B3GLCT: variants seen among roughly 807,000 people sequenced by gnomAD.
The protein encoded by B3GLCT is beta 3-glucosyltransferase.
Under a neutral mutation model 63.4 loss-of-function variants are expected in B3GLCT, and 65 were observed. The observed-to-expected ratio is 1.03, with a 90% CI of 0.84 to 1.26. B3GLCT has a LOEUF of 1.26. B3GLCT is among the 50% of genes most tolerant of loss of function. The probability of loss-of-function intolerance (pLI) is 0.00; values close to 1 mark genes in which losing one functional copy is unlikely to be tolerated. For synonymous variants in B3GLCT, 233 were observed against 219.2 expected, an observed-to-expected ratio of 1.06 and a Z score of -0.55; for missense variants, 577 against 604.8, an observed-to-expected ratio of 0.95 and a Z score of 0.48.
At position 31,317,673 on chromosome 13, in the gene B3GLCT, C is replaced by T. The variant is rs144117014; in HGVS notation, c.1172C>T (p.Thr391Met). The change falls in exon 13 of 15, where the codon ACG (threonine) becomes ATG (methionine). Residue 391 changes from threonine to methionine, a missense_variant. Coordinates refer to ENST00000343307, the MANE Select transcript of B3GLCT (RefSeq NM_194318.4). ...GLGTGGYSYI[T>M]GGGGMVFSRE... ...GGCACTGGTGGCTACAGCTACATCACGGGAGGAGGAGGGTAACTATGATCA... is the reference window on the plus strand; with the variant it reads ...GGCACTGGTGGCTACAGCTACATCATGGGAGGAGGAGGGTAACTATGATCA... 1.4e-5 allele frequency: 23 copies of T among 1,613,864 alleles called. No homozygotes were observed. Among genetic ancestry groups the T allele is most frequent in the Non-Finnish European group, 1.9e-5 (22 of 1,179,946 alleles).
intron 14 of B3GLCT, 109 bp downstream of exon 14, chr13:31,324,004 T>C: frequency 7.3e-7 from 1 of 1,361,058 alleles, no homozygotes; most frequent in South Asian, 1.2e-5. Context: ...GACTAAGAAC[T>C]GTGTTGACAG....
chr13:31,230,089 A>C (rs1297544927), intron 4 of B3GLCT, among the ~76,000 whole-genome samples: 1 of 152,138 alleles, frequency 6.6e-6, no homozygotes, highest in East Asian at 1.9e-4. Context: ...ATTGGATGTC[A>C]TTAATTTAAC....
Position 31,253,618 on chromosome 13 carries a change from A to AAAAAAAAAAAAAACAAAC in B3GLCT, c.459+5655_459+5656insAAAAAAAAAACAAACAAA, listed in dbSNP as rs1555249042. On this transcript the variant is annotated intron_variant, in intron 6 of 14. Transcript: ENST00000343307. ...CTCAAAAAAAAAAAAAAAAAAAAAAAAAACTAGAGAAGCAAGAGCAAGCAA... is the reference window on the plus strand; with the variant it reads ...CTCAAAAAAAAAAAAAAAAAAAAAAAAAAAAAAAAAAAACAAACAAACTAGAGAAGCAAGAGCAAGCAA... 1.3e-4 allele frequency among the ~76,000 whole-genome samples: 11 copies of AAAAAAAAAAAAAACAAAC among 82,314 alleles called. 3 individuals carry two copies. Among genetic ancestry groups the AAAAAAAAAAAAAACAAAC allele is most frequent in the African/African-American group, 2.9e-4 (6 of 20,480 alleles). 54.0% of individuals were successfully genotyped at this position (82,314 alleles called of 152,430 possible). A position where few individuals can be genotyped will look rare whatever the true frequency, so the allele number is the denominator to read the frequency against.
In B3GLCT at chr13:31,323,622, A is replaced by G. The variant is rs977924391; in HGVS notation, c.1185-129A>G. Reference sequence around the variant, plus strand: ...ACAGGTAGGGTTTTACCTAGAGCTCAGTAACTAGAGAAAGCTACTATTGCC... The same window carrying G: ...ACAGGTAGGGTTTTACCTAGAGCTCGGTAACTAGAGAAAGCTACTATTGCC... On this transcript the variant is annotated intron_variant, in intron 13 of 14. Coordinates refer to ENST00000343307, the MANE Select transcript of B3GLCT (RefSeq NM_194318.4). The G allele has an allele frequency of 3.8e-6, 4 of 1,051,344 alleles. No individual in the cohort carries two copies. The Admixed American group carries it at 6.9e-5, about 18-fold the overall frequency. 65.1% of individuals were successfully genotyped at this position (1,051,344 alleles called of 1,614,324 possible). A position where few individuals can be genotyped will look rare whatever the true frequency, so the allele number is the denominator to read the frequency against.
intron 4 of B3GLCT, among the ~76,000 whole-genome samples, chr13:31,236,585 A>G (rs1870656460): frequency 6.6e-6 from 1 of 152,200 alleles, no homozygotes; most frequent in African/African-American, 2.4e-5. Flanking sequence ...CTTTGCTTGG[A>G]TGAAGCCAGC....
intron 6 of B3GLCT, among the ~76,000 whole-genome samples, chr13:31,258,700 T>C (rs1871864989): frequency 1.3e-5 from 2 of 152,250 alleles, no homozygotes; most frequent in South Asian, 4.1e-4. Flanking sequence ...CTTCCCCTGC[T>C]GCCAGCTGCT....
chr13:31,276,719 G>A lies in B3GLCT; in HGVS notation c.798G>A (p.Lys266=), dbSNP rs1281008672. 6.2e-7 allele frequency: 1 copy of A among 1,612,592 alleles called. No homozygotes were observed. The highest frequency in any genetic ancestry group is 1.1e-5 in the South Asian group (1 of 91,036). Residue 266 remains lysine, a synonymous_variant, in exon 10 of 15, where the codon AAG becomes AAA. Coordinates refer to ENST00000343307, the MANE Select transcript of B3GLCT (RefSeq NM_194318.4). ...FLPLCRKPVK[K]KDIFVAVKTC... ...TTTTTTAGAGAAAGCCAGTGAAGAAGAAGGATATTTTTGTTGCAGTAAAAA... is the reference window on the plus strand; with the variant it reads ...TTTTTTAGAGAAAGCCAGTGAAGAAAAAGGATATTTTTGTTGCAGTAAAAA...
chr13:31,203,503 A>G (rs1394583116), intron 1 of B3GLCT, among the ~76,000 whole-genome samples: 1 of 152,162 alleles, frequency 6.6e-6, no homozygotes, highest in Non-Finnish European at 1.5e-5. Context: ...CGGGACAAAC[A>G]TTGTGGGCTC....
intron 1 of B3GLCT, among the ~76,000 whole-genome samples, chr13:31,210,774 G>A (rs1869215016): frequency 6.6e-6 from 1 of 151,848 alleles, no homozygotes; most frequent in Non-Finnish European, 1.5e-5. Context: ...TAAGAGGCAG[G>A]GTCTCTGTCA....
At chr13:31,266,719 A>G (rs186395490) in intron 7 of B3GLCT, among the ~76,000 whole-genome samples, 120 of 152,296 alleles carry the variant, frequency 7.9e-4, no homozygotes, top group African/African-American at 2.8e-3. Flanking sequence ...AAAGATAGCC[A>G]TGTATATATT....
intron 13 of B3GLCT, 81 bp from the exon 14 acceptor site, chr13:31,323,670 C>G: frequency 6.5e-7 from 1 of 1,530,724 alleles, no homozygotes; most frequent in Non-Finnish European, 9.0e-7. Flanking sequence ...GGAGTAAAGT[C>G]CTGTTTCCCG....
At chr13:31,285,826 T>C (rs1166628417) in intron 11 of B3GLCT, among the ~76,000 whole-genome samples, 2 of 152,146 alleles carry the variant, frequency 1.3e-5, no homozygotes, top group Non-Finnish European at 2.9e-5. Context: ...TAGATTGGGT[T>C]TAATAATCAT....
chr13:31,220,954 A>G (rs903246540), intron 2 of B3GLCT, among the ~76,000 whole-genome samples: 1 of 151,778 alleles, frequency 6.6e-6, no homozygotes, highest in Non-Finnish European at 1.5e-5. Flanking sequence ...TTTTTAGCTC[A>G]CTCTCAAAAT....
chr13:31,313,884 A>G lies in B3GLCT; in HGVS notation c.1065-3682A>G, dbSNP rs556461758. Among the ~76,000 whole-genome samples the G allele has an allele frequency of 2.6e-5, 4 of 152,090 alleles. No homozygotes were observed. The South Asian group carries it at 8.3e-4, about 32-fold the overall frequency. ...AAAAGTGGTTTGTTTCGTGGGCTGG[A>G]CTCAGGGTCCCCATGCTGTGTGCAG... On this transcript the variant is annotated intron_variant, in intron 12 of 14. Coordinates refer to ENST00000343307, the MANE Select transcript of B3GLCT (RefSeq NM_194318.4).
At chr13:31,329,290 A>G (rs1875793425) in intron 14 of B3GLCT, among the ~76,000 whole-genome samples, 1 of 152,232 alleles carries the variant, frequency 6.6e-6, no homozygotes, top group Admixed American at 6.5e-5. Context: ...AAAGCAGTGC[A>G]TTTGGGGTAT....
chr13:31,214,373 G>T (rs1431875336), intron 1 of B3GLCT, among the ~76,000 whole-genome samples: 1 of 152,176 alleles, frequency 6.6e-6, no homozygotes, highest in Admixed American at 6.5e-5. Flanking sequence ...CTGTCATGTT[G>T]TTGTTATTAT....
intron 1 of B3GLCT, among the ~76,000 whole-genome samples, chr13:31,203,288 C>G (rs1178035928): frequency 6.6e-6 from 1 of 152,138 alleles, no homozygotes; most frequent in Non-Finnish European, 1.5e-5. Flanking sequence ...ATATTACTGG[C>G]ACAGATTTTA....
intron 12 of B3GLCT, among the ~76,000 whole-genome samples, chr13:31,312,158 CTCTT>C (rs1874742865): frequency 6.6e-6 from 1 of 152,200 alleles, no homozygotes; most frequent in South Asian, 2.1e-4. Context: ...TGAAGTCTTG[CTCTT>C]TCTATGGCCA....
chr13:31,213,946 T>G (rs1336757855), intron 1 of B3GLCT, among the ~76,000 whole-genome samples: 1 of 152,188 alleles, frequency 6.6e-6, no homozygotes, highest in East Asian at 1.9e-4. Flanking sequence ...ACCATGTTAG[T>G]CATTTGCTTC....
Sources: gnomAD v4.1 joint callset for allele counts (sites outside exome capture counted in the v4.1 genomes callset) on GRCh38, gnomAD v4.1.1 for gene constraint, MANE v1.5 for transcripts, NCBI Gene and HGNC (gene_info 2026-07-23, HGNC 2026-07-21) for gene names.